Variants in KLC2 observed in about 807,000 individuals in gnomAD.
KLC2 encodes the protein KLC 2.
In KLC2, 35 loss-of-function variants were observed where a neutral mutation model predicts 75.1. The observed-to-expected ratio is 0.47, with a 90% CI of 0.36 to 0.62. KLC2 has a LOEUF of 0.62. Among genes scored for constraint, KLC2 ranks in the 20% least tolerant of loss-of-function variants. KLC2 has a pLI of 0.00. For missense variants in KLC2, 611 were observed against 833.2 expected, an observed-to-expected ratio of 0.73 and a Z score of 3.28; for synonymous variants, 314 against 336.7, an observed-to-expected ratio of 0.93 and a Z score of 0.74.
chr11:66,256,262 A>C (rs576477573), upstream of KLC2, among the ~76,000 whole-genome samples: 2 of 150,440 alleles, frequency 1.3e-5, no homozygotes, highest in East Asian at 3.9e-4. Flanking sequence ...AGCCAGGTGT[A>C]GTGGCATGCA....
chr11:66,266,380 C>A (rs1856825418), intron 14 of KLC2, 53 bp from the exon 15 acceptor site: 4 of 1,541,926 alleles, frequency 2.6e-6, no homozygotes, highest in Non-Finnish European at 3.5e-6. Context: ...TCCCTGCCCC[C>A]ATCTCCCGTG....
Position 66,265,836 on chromosome 11 carries a change from C to G in KLC2, c.1444-18C>G. 6.3e-7 allele frequency: 1 copy of G among 1,580,726 alleles called. No homozygotes were observed. The highest frequency in any genetic ancestry group is 8.6e-7 in the Non-Finnish European group (1 of 1,158,878). On this transcript the variant is annotated intron_variant, in intron 12 of 15. Coordinates refer to ENST00000394067, the MANE Select transcript of KLC2 (RefSeq NM_001318734.2). ...GGTGTGGTCCATTCACTGCCTGATGCCCCTGCCCCTCCCTCAGGGTTTGGA... is the reference window on the plus strand; with the variant it reads ...GGTGTGGTCCATTCACTGCCTGATGGCCCTGCCCCTCCCTCAGGGTTTGGA...
At chr11:66,264,877 G>A in intron 9 of KLC2, 146 bp from the exon 10 acceptor site, 1 of 688,928 alleles carries the variant, frequency 1.5e-6, no homozygotes, top group Non-Finnish European at 2.6e-6. Flanking sequence ...CCAGAAGAGG[G>A]TCAGCAGTGT....
intron 7 of KLC2, 22 bp from the exon 8 acceptor site, chr11:66,264,024 C>G (rs1856630016): frequency 6.2e-7 from 1 of 1,609,814 alleles, no homozygotes; most frequent in Admixed American, 1.7e-5. Context: ...AGCCCAACCC[C>G]TGGCTCCCTC....
intron 2 of KLC2, 70 bp from the exon 3 acceptor site, chr11:66,261,672 T>G (rs1240075121): frequency 1.0e-6 from 1 of 1,004,894 alleles, no homozygotes; most frequent in Admixed American, 2.1e-5. Flanking sequence ...AGAGCCCAAC[T>G]AGGCCCAGGC....
At chr11:66,251,629 A>G in the KLC2 span, among the ~76,000 whole-genome samples, 7,072 of 150,894 alleles carry the variant, frequency 0.047, 230 homozygotes, top group Non-Finnish European at 0.068. Flanking sequence ...AAAATTAGCC[A>G]GGCATGGTGG....
rs1258656605 is a variant in KLC2, at chr11:66,258,662, C to T, written c.68C>T (p.Ala23Val). 4 of 1,613,928 alleles carry T rather than the reference C, an allele frequency of 2.5e-6. No homozygotes were observed. Among genetic ancestry groups the T allele is most frequent in the African/African-American group, 2.7e-5 (2 of 74,952 alleles). The change falls in exon 2 of 16, where the codon GCT becomes GTT. Residue 23 changes from alanine to valine, a missense_variant. Physicochemically the swap from Ala to Val is moderately conservative, Grantham distance 64 (BLOSUM62 0). Transcript: ENST00000394067. Reference sequence around the variant, plus strand: ...GATGAGATCGTGCTGGGCACCAAGGCTGTCATCCAGGGACTGGAGACTCTG... The same window carrying T: ...GATGAGATCGTGCTGGGCACCAAGGTTGTCATCCAGGGACTGGAGACTCTG... ...SQDEIVLGTK[A>V]VIQGLETLRG...
rs1357518461 is a variant in KLC2 at position 66,267,555 on chromosome 11, C to T, written c.*599C>T. ...CCTGGCCTCTGAGGGATGCGTCCTA[C>T]CCGCGCCATCGCCCCGTGGCCCAGG... On this transcript the variant is annotated 3_prime_UTR_variant, in exon 16 of 16. Transcript: ENST00000394067. The T allele has an allele frequency of 7.9e-6, 5 of 633,604 alleles. No homozygotes were observed. The highest frequency in any genetic ancestry group is 2.7e-5 in the East Asian group (1 of 36,588). 39.2% of individuals were successfully genotyped at this position (633,604 alleles called of 1,614,324 possible). A position where few individuals can be genotyped will look rare whatever the true frequency, so the allele number is the denominator to read the frequency against.
At chr11:66,254,961 C>T (rs1855992123), upstream of KLC2, among the ~76,000 whole-genome samples, 1 of 151,894 alleles carries the variant, frequency 6.6e-6, no homozygotes, top group African/African-American at 2.4e-5. Context: ...CCAGGATTCA[C>T]CCTGGCACCA....
rs199804716 is a variant in KLC2, at chr11:66,263,884, T to C, written c.874T>C (p.Tyr292His). Residue 292 changes from tyrosine (Y) to histidine (H), a missense_variant, in exon 7 of 16, where the codon TAT (tyrosine) becomes CAT (histidine). By Grantham distance (83) the Tyr-to-His change is moderately conservative. Transcript: ENST00000394067. ...GACACTAAACAACCTGGCAGTCCTG[T>C]ATGGCAAGAGGGGCAAGTACAAGGA... ...AATLNNLAVL[Y>H]GKRGKYKEAE... The C allele has an allele frequency of 1.2e-4, 195 of 1,614,070 alleles. No individual in the cohort carries two copies. The highest frequency in any genetic ancestry group is 1.6e-4 in the Non-Finnish European group (191 of 1,179,988).
At chr11:66,259,474 G>A (rs576338331) in intron 2 of KLC2, 5 of 152,448 alleles carry the variant, frequency 3.3e-5, no homozygotes, top group African/African-American at 4.8e-5. Context: ...TTGTGGTGGA[G>A]GAACTCAGGG....
chr11:66,253,267 C>T (rs1164557571), upstream of KLC2, among the ~76,000 whole-genome samples: 1 of 152,128 alleles, frequency 6.6e-6, no homozygotes, highest in Non-Finnish European at 1.5e-5. Context: ...CTGTGCCCGG[C>T]CATATCTGCT....
chr11:66,250,408 A>G, the KLC2 span, among the ~76,000 whole-genome samples: 2 of 152,178 alleles, frequency 1.3e-5, no homozygotes, highest in East Asian at 3.8e-4. Context: ...AGAAGAGGTC[A>G]GGTTTCTAAA....
At chr11:66,254,618 T>C (rs185202865), upstream of KLC2, among the ~76,000 whole-genome samples, 348 of 147,392 alleles carry the variant, frequency 2.4e-3, no homozygotes, top group Non-Finnish European at 3.8e-3. Flanking sequence ...TGAACTATGA[T>C]TGTGGCACTG....
In KLC2 at chr11:66,258,606, G is replaced by A. The variant is rs770783647; in HGVS notation, c.12G>A (p.Met4Ile). The part of the protein sequence containing the change: MAM[M>I]VFPREEKLSQ... Reference sequence around the variant, plus strand: ...CAGACGCCACAGCCATGGCCATGATGGTGTTTCCGCGGGAGGAGAAGCTGA... The same window carrying A: ...CAGACGCCACAGCCATGGCCATGATAGTGTTTCCGCGGGAGGAGAAGCTGA... Residue 4 changes from methionine (M) to isoleucine (I), a missense_variant, in exon 2 of 16, where the codon ATG becomes ATA. Physicochemically the swap from Met to Ile is conservative, Grantham distance 10. Coordinates refer to ENST00000394067, the MANE Select transcript of KLC2 (RefSeq NM_001318734.2). The A allele has an allele frequency of 1.2e-6, 2 of 1,613,096 alleles. No individual in the cohort carries two copies. Among genetic ancestry groups the A allele is most frequent in the Non-Finnish European group, 1.7e-6 (2 of 1,179,300 alleles).
chr11:66,262,176 G>A lies in KLC2; in HGVS notation c.513G>A (p.Glu171=). The part of the protein sequence containing the change: ...KDTLDDLFPN[E]DEQSPAPSPG... ...CACTGGATGACCTGTTCCCCAATGA[G>A]GATGAGCAGAGCCCAGGTGCGGATG... Residue 171 remains glutamate, a synonymous_variant, in exon 4 of 16, where the codon GAG becomes GAA. Transcript: ENST00000394067. 1.9e-6 allele frequency: 3 copies of A among 1,613,412 alleles called. No individual in the cohort carries two copies. The highest frequency in any genetic ancestry group is 2.5e-6 in the Non-Finnish European group (3 of 1,179,932).
chr11:66,265,252 TG>T lies in KLC2; in HGVS notation c.1334+20del. The stretch of plus-strand genomic sequence containing the variant: ...AGTAGACAGGTGAGTGGGGCGGGGC[TG>T]GGCTGGGGAGCAGGGCACGGCAGGG... On this transcript the variant is annotated intron_variant, in intron 11 of 15. Transcript: ENST00000394067. 2.7e-6 allele frequency: 2 copies of T among 753,302 alleles called. No individual in the cohort carries two copies. The highest frequency in any genetic ancestry group is 4.5e-6 in the Non-Finnish European group (2 of 446,560). The allele number at this position is 753,302 out of a possible 1,614,324, so 46.7% of individuals were successfully genotyped here.
chr11:66,249,990 C>G, the KLC2 span, among the ~76,000 whole-genome samples: 10 of 152,142 alleles, frequency 6.6e-5, no homozygotes, highest in Non-Finnish European at 1.3e-4. Flanking sequence ...CCACCAGGCC[C>G]GTGGTCTGGC....
intron 9 of KLC2, 189 bp downstream of exon 9, chr11:66,264,633 G>A (rs1246674885): frequency 8.3e-6 from 5 of 606,014 alleles, no homozygotes; most frequent in African/African-American, 1.8e-5. Context: ...CCCAACTCAC[G>A]CAGCCCCCTT....
Sources: allele counts gnomAD v4.1 joint callset (sites outside exome capture counted in the v4.1 genomes callset), GRCh38; gene constraint gnomAD v4.1.1; transcripts MANE v1.5; gene names NCBI Gene and HGNC (gene_info 2026-07-23, HGNC 2026-07-21).